MACF1: variants seen among roughly 807,000 people sequenced by gnomAD.
The protein encoded by MACF1 is microtubule actin crosslinking factor 1.
Under a neutral mutation model 854.8 loss-of-function variants are expected in MACF1, and 193 were observed. That is an observed-to-expected ratio of 0.23 (90% confidence interval 0.20 to 0.25). The LOEUF is 0.25. Ranked by LOEUF, MACF1 falls within the 10% of genes least tolerant of loss-of-function variation. MACF1 has a pLI of 1.00. For missense variants in MACF1, 7,722 were observed against 8,929.1 expected (o/e 0.86, Z 5.45); for synonymous variants, 3,185 against 3,226.7 (o/e 0.99, Z 0.44).
At chr1:39,124,474 G>C (rs1231744851) in intron 2 of MACF1, among the ~76,000 whole-genome samples, 1 of 152,158 alleles carries the variant, frequency 6.6e-6, no homozygotes, top group East Asian at 1.9e-4. Flanking sequence ...ATTTAGTAAT[G>C]TCTGTATCAT....
rs146443376 is a variant in MACF1, at chr1:39,099,212, A to G, written c.220+14774A>G. ...CTCTTGTTGCCCAGGTTGGAATGCA[A>G]TGGCACGATCTAGGCTCACTGCAAC... is the stretch of plus-strand genomic sequence containing the variant. On this transcript the variant is annotated intron_variant, in intron 2 of 93. Transcript: ENST00000361689. Among the ~76,000 whole-genome samples, 13 of 152,242 alleles carry G rather than the reference A, an allele frequency of 8.5e-5. No homozygotes were observed. The East Asian group carries it at 1.9e-3, about 23-fold the overall frequency.
At position 39,450,974 on chromosome 1, in the gene MACF1, C is replaced by T. The variant is rs1570128083; in HGVS notation, c.20259-78C>T. The T allele has an allele frequency of 4.0e-6, 6 of 1,490,446 alleles. No individual in the cohort carries two copies. In the East Asian group the frequency reaches 1.1e-4, roughly 28 times the overall value. The allele number at this position is 1,490,446 out of a possible 1,614,324, so 92.3% of individuals were successfully genotyped here. ...CTCTATATAGGGTTCAAGCAATATT[C>T]CCTTTCAGCGAGGCAGAATTGTGGG... On this transcript the variant is annotated intron_variant, in intron 84 of 100. Coordinates refer to ENST00000564288, the MANE Select transcript of MACF1 (RefSeq NM_001394062.1).
chr1:39,173,068 C>T (rs915553903), intron 2 of MACF1, among the ~76,000 whole-genome samples: 12 of 152,240 alleles, frequency 7.9e-5, no homozygotes, highest in African/African-American at 2.4e-4. Context: ...GGAGGCCGGG[C>T]GCGGTGGCTT....
At chr1:39,339,861 G>T (rs1205068264) in intron 38 of MACF1, among the ~76,000 whole-genome samples, 1 of 152,112 alleles carries the variant, frequency 6.6e-6, no homozygotes, top group Non-Finnish European at 1.5e-5. Context: ...AGATTGTAGT[G>T]GTTTACTGGT....
At chr1:39,296,087 C>T (rs999024142) in intron 20 of MACF1, among the ~76,000 whole-genome samples, 3 of 152,186 alleles carry the variant, frequency 2.0e-5, no homozygotes, top group Non-Finnish European at 4.4e-5. Flanking sequence ...TCTTATCTTG[C>T]CTGTCTTACT....
chr1:39,310,253 C>T lies in MACF1; in HGVS notation c.2925C>T (p.Ser975=). Residue 975 remains serine (S), a synonymous_variant, in exon 25 of 101, where the codon TCC becomes TCT. Transcript: ENST00000564288. ...TGGCTTTTTCTTTCTAGCTTCGATC[C>T]TCAGCACCAGGGGAGTGCCATCAGA... ...VQTWNLEKLR[S]SAPGECHQIM... is the part of the protein sequence containing the mutation. The T allele has an allele frequency of 6.2e-7, 1 of 1,608,778 alleles. No homozygotes were observed. The highest frequency in any genetic ancestry group is 8.5e-7 in the Non-Finnish European group (1 of 1,178,376).
chr1:39,134,484 T>G (rs1419563782), intron 2 of MACF1, among the ~76,000 whole-genome samples: 2 of 152,320 alleles, frequency 1.3e-5, no homozygotes, highest in African/African-American at 4.8e-5. Context: ...TATTTTGTTG[T>G]ATCAGATACA....
At chr1:39,106,045 G>C (rs1372261519) in intron 2 of MACF1, among the ~76,000 whole-genome samples, 4 of 152,158 alleles carry the variant, frequency 2.6e-5, no homozygotes, top group African/African-American at 9.7e-5. Context: ...GGAGGAGGAG[G>C]AGTTGGGCGC....
chr1:39,262,826 T>C (rs1473750030), intron 6 of MACF1, among the ~76,000 whole-genome samples: 2 of 152,174 alleles, frequency 1.3e-5, no homozygotes, highest in African/African-American at 4.8e-5. Flanking sequence ...CCAGAATATT[T>C]TCTCAGTTTT....
intron 58 of MACF1, among the ~76,000 whole-genome samples, chr1:39,394,649 A>T (rs1418714004): frequency 6.6e-6 from 1 of 152,124 alleles, no homozygotes; most frequent in Non-Finnish European, 1.5e-5. Context: ...AAAGCCCTGG[A>T]AGACAGGGCC....
intron 23 of MACF1, among the ~76,000 whole-genome samples, chr1:39,305,905 A>T (rs1441223592): frequency 6.6e-6 from 1 of 151,796 alleles, no homozygotes; most frequent in Non-Finnish European, 1.5e-5. Context: ...ATCCCCACTA[A>T]CTGCATGCCA....
Position 39,331,283 on chromosome 1 carries a change from C to G in MACF1, c.4695C>G (p.Leu1565=). The G allele has an allele frequency of 6.2e-7, 1 of 1,612,090 alleles. No homozygotes were observed. Among genetic ancestry groups the G allele is most frequent in the Non-Finnish European group, 8.5e-7 (1 of 1,179,716 alleles). The change falls in exon 37 of 101, where the codon CTC becomes CTG. Residue 1565 remains leucine, a synonymous_variant. Transcript: ENST00000564288. Reference sequence around the variant, plus strand: ...TCTTCAAAGCCATGCAAAAGGGCCTCCTTGACCAAGACACAGGCCTAGTGC... The same window carrying G: ...TCTTCAAAGCCATGCAAAAGGGCCTGCTTGACCAAGACACAGGCCTAGTGC... ...FPIFKAMQKG[L]LDQDTGLVLL...
chr1:39,310,310 C>T lies in MACF1; in HGVS notation c.2982C>T (p.Asp994=). 1.9e-6 allele frequency: 3 copies of T among 1,614,116 alleles called. No individual in the cohort carries two copies. The highest frequency in any genetic ancestry group is 2.5e-6 in the Non-Finnish European group (3 of 1,179,998). The part of the protein sequence containing the change: ...IMKNLQAHYE[D]FLQDSRDSVL... Reference sequence around the variant, plus strand: ...AGAACCTTCAGGCCCACTATGAAGACTTTCTGCAGGATAGTCGTGACTCTG... The same window carrying T: ...AGAACCTTCAGGCCCACTATGAAGATTTTCTGCAGGATAGTCGTGACTCTG... The change falls in exon 25 of 101, where the codon GAC becomes GAT. Residue 994 remains aspartate, a synonymous_variant. Transcript: ENST00000564288.
intron 2 of MACF1, among the ~76,000 whole-genome samples, chr1:39,127,468 T>C (rs1226736659): frequency 6.6e-6 from 1 of 152,224 alleles, no homozygotes; most frequent in South Asian, 2.1e-4. Flanking sequence ...CCCTGTGAAA[T>C]AGATTATCTC....
chr1:39,232,756 T>TTTG (rs1553174812), intron 2 of MACF1, among the ~76,000 whole-genome samples: 6 of 141,112 alleles, frequency 4.3e-5, no homozygotes, highest in Non-Finnish European at 9.6e-5. Context: ...GTTTTTTTTT[T>TTTG]TTTTTTTTTT....
chr1:39,347,206 T>G lies in MACF1; in HGVS notation c.10811T>G (p.Val3604Gly). Residue 3604 changes from valine to glycine, a missense_variant, in exon 41 of 101, where the codon GTG (valine) becomes GGG (glycine). Coordinates refer to ENST00000564288, the MANE Select transcript of MACF1 (RefSeq NM_001394062.1). ...HLQQMEQEAL[V>G]KTLQKQQNTC... ...CAACAAATGGAGCAGGAAGCCCTGG[T>G]GAAGGTCAGACTGAACCAGCAGCTG... The G allele has an allele frequency of 6.2e-7, 1 of 1,611,394 alleles. No individual in the cohort carries two copies. The highest frequency in any genetic ancestry group is 8.5e-7 in the Non-Finnish European group (1 of 1,177,894).
Position 39,428,067 on chromosome 1 carries a change from C to G in MACF1, c.16583C>G (p.Ser5528Ter), listed in dbSNP as rs1643781037. 1 of 1,614,048 alleles carries G rather than the reference C, an allele frequency of 6.2e-7. No homozygotes were observed. The highest frequency in any genetic ancestry group is 8.5e-7 in the Non-Finnish European group (1 of 1,180,032). ...LTSPAEQGVL[S>*]EKIDSLQARY... ...TCTCCTGCAGAACAGGGTGTGCTGT[C>G]AGAAAAGATAGACTCATTGCAGGCC... The change falls in exon 63 of 101, where the codon TCA (serine) becomes TGA (stop). Residue 5528 changes from serine (S) to a stop codon, truncating the protein, a stop_gained. Transcript: ENST00000564288. LOFTEE classifies it high-confidence loss of function.
At chr1:39,389,416 G>A (rs11205976) in intron 58 of MACF1, among the ~76,000 whole-genome samples, 7,800 of 137,768 alleles carry the variant, frequency 0.057, 245 homozygotes, top group East Asian at 0.15. Flanking sequence ...TTGGAGTGCA[G>A]TGGGGCGATC....
chr1:39,254,278 CT>C lies in MACF1; in HGVS notation c.358-13del, dbSNP rs749540449. ...AATTGTGTAGCCAGAATTAACATCC[CT>C]TTTTTTGTTTGTTTGCAGCCCCGGG... On this transcript the variant is annotated intron_variant, in intron 4 of 100. Transcript: ENST00000564288. The C allele has an allele frequency of 1.3e-5, 21 of 1,605,296 alleles. No individual in the cohort carries two copies. Among genetic ancestry groups the C allele is most frequent in the African/African-American group, 5.4e-5 (4 of 74,740 alleles).
Sources: gnomAD v4.1 joint callset for allele counts (sites outside exome capture counted in the v4.1 genomes callset) on GRCh38, gnomAD v4.1.1 for gene constraint, MANE v1.5 for transcripts, NCBI Gene and HGNC (gene_info 2026-07-23, HGNC 2026-07-21) for gene names.